ADCY9: variants seen among roughly 807,000 people sequenced by gnomAD.
ADCY9 encodes adenylate cyclase type 9.
Under a neutral mutation model 101.5 loss-of-function variants are expected in ADCY9, and 50 were observed. That is an observed-to-expected ratio of 0.49 (90% confidence interval 0.39 to 0.62). The LOEUF (loss-of-function observed/expected upper bound fraction) is 0.62. ADCY9 is among the 20% of genes least tolerant of loss of function. The pLI is 0.00. For missense variants in ADCY9, 1,662 were observed against 1,800.4 expected (o/e 0.92, Z 1.39); for synonymous variants, 905 against 769.3 (o/e 1.18, Z -2.92).
chr16:4,113,391 C>G (rs1275840940), intron 2 of ADCY9, among the ~76,000 whole-genome samples: 2 of 152,164 alleles, frequency 1.3e-5, no homozygotes, highest in Non-Finnish European at 2.9e-5. Flanking sequence ...CAAATGAATG[C>G]AAAGGCAATT....
chr16:3,961,569 G>C (rs573911945), downstream of ADCY9, among the ~76,000 whole-genome samples: 1 of 152,096 alleles, frequency 6.6e-6, no homozygotes, highest in Non-Finnish European at 1.5e-5. Flanking sequence ...CGGGAGGAGA[G>C]TGACCTCATC....
chr16:4,089,446 T>C (rs2056960014), intron 2 of ADCY9, among the ~76,000 whole-genome samples: 1 of 152,164 alleles, frequency 6.6e-6, no homozygotes, highest in African/African-American at 2.4e-5. Flanking sequence ...GTTTTGTTGA[T>C]GTGTTACTTG....
intron 2 of ADCY9, among the ~76,000 whole-genome samples, chr16:4,022,490 C>CAAA (rs58498676): frequency 0.016 from 1,039 of 64,344 alleles, 97 homozygotes; most frequent in Middle Eastern, 0.042. Flanking sequence ...GACTCCGTCT[C>CAAA]AAAAAAAAAA....
chr16:3,964,420 C>G lies in ADCY9; in HGVS notation c.*1355G>C, dbSNP rs970079699. 1 of 152,326 alleles carries G rather than the reference C, an allele frequency of 6.6e-6. No homozygotes were observed. The highest frequency in any genetic ancestry group is 2.1e-4 in the South Asian group (1 of 4,836). The allele number at this position is 152,326 out of a possible 1,614,324, so 9.4% of individuals were successfully genotyped here. ...CTCGGGATTCCGCCCCTAACAAACC[C>G]CGCGTTTGCATCCAGATGCCTCTGT... On this transcript the variant is annotated 3_prime_UTR_variant, in exon 11 of 11. Transcript: ENST00000294016.
intron 5 of ADCY9, among the ~76,000 whole-genome samples, chr16:3,957,292 C>A (rs1425662634): frequency 1.3e-5 from 2 of 152,230 alleles, no homozygotes; most frequent in Non-Finnish European, 2.9e-5. Context: ...CATCCTGAGG[C>A]CAGAGGAGGC....
intron 2 of ADCY9, among the ~76,000 whole-genome samples, chr16:4,035,716 G>C (rs956199947): frequency 6.6e-6 from 1 of 152,000 alleles, no homozygotes; most frequent in Non-Finnish European, 1.5e-5. Context: ...GATTCCAAGG[G>C]GGCCGGGCAC....
intron 2 of ADCY9, among the ~76,000 whole-genome samples, chr16:4,080,545 C>T (rs1188144312): frequency 2.0e-5 from 3 of 152,162 alleles, no homozygotes; most frequent in Non-Finnish European, 4.4e-5. Flanking sequence ...AGGCATGACC[C>T]ACCGTTCCCA....
intron 2 of ADCY9, 81 bp downstream of exon 2, chr16:4,113,669 C>G (rs898123404): frequency 6.6e-7 from 1 of 1,515,542 alleles, no homozygotes; most frequent in East Asian, 2.3e-5. Flanking sequence ...TCTGCAGACA[C>G]TGAGGCTGGA....
intron 10 of ADCY9, among the ~76,000 whole-genome samples, chr16:3,969,788 G>T (rs2056035530): frequency 6.7e-6 from 1 of 148,916 alleles, no homozygotes; most frequent in Non-Finnish European, 1.5e-5. Context: ...CTAATTTTTT[G>T]AACTTTTTGT....
Position 3,966,219 on chromosome 16 carries a change from G to C in ADCY9, c.3618C>G (p.Ile1206Met), listed in dbSNP as rs1160493612. The change falls in exon 11 of 11, where the codon ATC becomes ATG. Residue 1206 changes from isoleucine (I) to methionine (M), a missense_variant. Transcript: ENST00000294016. ...RMDTTGVECR[I>M]QVSEESYRVL... ...CGCGGTAGCTCTCTTCGCTCACCTG[G>C]ATGCGGCACTCCACGCCGGTGGTGT... 6.2e-7 allele frequency: 1 copy of C among 1,614,098 alleles called. No homozygotes were observed. Among genetic ancestry groups the C allele is most frequent in the Non-Finnish European group, 8.5e-7 (1 of 1,180,038 alleles).
intron 3 of ADCY9, 107 bp from the exon 4 acceptor site, chr16:3,993,617 A>T: frequency 1.4e-6 from 2 of 1,399,584 alleles, no homozygotes; most frequent in Non-Finnish European, 2.0e-6. Context: ...CATGGTGGTG[A>T]GCAAGGGGAA....
chr16:4,021,473 A>G (rs749551087), intron 2 of ADCY9, among the ~76,000 whole-genome samples: 1 of 152,058 alleles, frequency 6.6e-6, no homozygotes, highest in Non-Finnish European at 1.5e-5. Context: ...GAGGCCCCCT[A>G]CCCACCTGCC....
In ADCY9 at chr16:4,115,197, C is replaced by G. The variant is rs141432870; in HGVS notation, c.246G>C (p.Leu82=). Residue 82 remains leucine (L), a synonymous_variant, in exon 2 of 11, where the codon CTG becomes CTC. Transcript: ENST00000294016. The surrounding 1 kb of genome is among the most constrained non-coding windows in gnomAD (Gnocchi z 6.2). ...RLRRQKKLPQ[L]FERASSRWWD... ...ACCAGCGGCTGGAGGCCCTCTCGAA[C>G]AGCTGGGGCAGCTTCTTCTGCCTGC... 1.9e-5 allele frequency: 30 copies of G among 1,613,494 alleles called. No homozygotes were observed. The highest frequency in any genetic ancestry group is 2.5e-5 in the Non-Finnish European group (29 of 1,179,944).
At chr16:3,999,028 G>A (rs1454554821) in intron 3 of ADCY9, among the ~76,000 whole-genome samples, 1 of 151,492 alleles carries the variant, frequency 6.6e-6, no homozygotes, top group Middle Eastern at 3.2e-3. Flanking sequence ...CATGTTTTTT[G>A]CCAAGTACAG....
intron 2 of ADCY9, among the ~76,000 whole-genome samples, chr16:4,084,971 G>C (rs1305412214): frequency 3.3e-5 from 5 of 152,116 alleles, no homozygotes; most frequent in African/African-American, 1.2e-4. Flanking sequence ...ATTTTTAAAA[G>C]TCTTCAGACG....
intron 2 of ADCY9, among the ~76,000 whole-genome samples, chr16:4,029,781 T>A (rs1305256307): frequency 6.6e-6 from 1 of 151,712 alleles, no homozygotes; most frequent in Non-Finnish European, 1.5e-5. Flanking sequence ...AGCCCAACAA[T>A]AAGAAAACAA....
intron 2 of ADCY9, among the ~76,000 whole-genome samples, chr16:4,101,720 G>C (rs1191685407): frequency 1.3e-5 from 2 of 152,040 alleles, no homozygotes; most frequent in Admixed American, 1.3e-4. Context: ...ATAAACAAAT[G>C]AGTTTACAGT....
At chr16:4,067,053 T>C (rs1428657884) in intron 2 of ADCY9, among the ~76,000 whole-genome samples, 4 of 152,112 alleles carry the variant, frequency 2.6e-5, no homozygotes, top group Admixed American at 6.5e-5. Context: ...TTAGAGAAAA[T>C]TGCGGCTGAT....
rs1161197914 is a variant in ADCY9 at position 4,044,241 on chromosome 16, G to A, written c.1694-36683C>T. Among the ~76,000 whole-genome samples the A allele has an allele frequency of 1.2e-4, 19 of 152,108 alleles. No homozygotes were observed. In the East Asian group the frequency reaches 2.3e-3, roughly 19 times the overall value. On this transcript the variant is annotated intron_variant, in intron 2 of 10. Transcript: ENST00000294016. ...GTGTGCCTGTAATCCCAGCTACTCC[G>A]GAGGCTGAAGCAGGAGAATCGCTTG...
Sources: allele counts gnomAD v4.1 joint callset (sites outside exome capture counted in the v4.1 genomes callset), GRCh38; gene constraint gnomAD v4.1.1; non-coding constraint Gnocchi (gnomAD v3.1); transcripts MANE v1.5; gene names NCBI Gene and HGNC (gene_info 2026-07-23, HGNC 2026-07-21).